CNTLN: variants seen among roughly 807,000 people sequenced by gnomAD.
CNTLN encodes centlein, centrosomal protein.
A neutral mutation model predicts 180.0 loss-of-function variants in CNTLN; 212 were observed. That is an observed-to-expected ratio of 1.18 (90% CI 1.05 to 1.32). CNTLN has a LOEUF of 1.32. Ranked by LOEUF, CNTLN falls within the 40% of genes most tolerant of loss-of-function variation. The pLI is 0.00. For missense variants in CNTLN, 2,095 were observed against 1,610.9 expected (o/e 1.30, Z -5.14); for synonymous variants, 722 against 563.1 (o/e 1.28, Z -3.99).
At position 17,288,521 on chromosome 9, in the gene CNTLN, C is replaced by T. The variant is rs1056625448; in HGVS notation, c.984-9669C>T. ...TGGAGAGTTCTGTAGATGTCTATTA[C>T]GTCCACTTGGTGCAGAGCTGAGTTC... On this transcript the variant is annotated intron_variant, in intron 6 of 25. Coordinates refer to ENST00000380647, the MANE Select transcript of CNTLN (RefSeq NM_017738.4). 7.4e-4 allele frequency among the ~76,000 whole-genome samples: 105 copies of T among 141,938 alleles called. 3 individuals are homozygous for T. The highest frequency in any genetic ancestry group is 4.9e-3 in the East Asian group (24 of 4,938). 93.1% of individuals were successfully genotyped at this position (141,938 alleles called of 152,430 possible).
intron 6 of CNTLN, among the ~76,000 whole-genome samples, chr9:17,283,310 ACTTCT>A (rs1042509102): frequency 4.0e-5 from 6 of 151,854 alleles, no homozygotes; most frequent in African/African-American, 1.5e-4. Flanking sequence ...TCACTCTTTC[ACTTCT>A]CTTGTTAGCT....
chr9:17,506,651 A>G (rs971892028), downstream of CNTLN, among the ~76,000 whole-genome samples: 10 of 152,158 alleles, frequency 6.6e-5, no homozygotes, highest in African/African-American at 2.2e-4. Context: ...CTTTGGATTT[A>G]GAGGGTCGAA....
intron 5 of CNTLN, among the ~76,000 whole-genome samples, chr9:17,248,314 ATTC>A (rs943284774): frequency 3.9e-5 from 6 of 151,928 alleles, no homozygotes; most frequent in Non-Finnish European, 7.4e-5. Flanking sequence ...AGGGTTTGGT[ATTC>A]TTCTTCAGAA....
In CNTLN at chr9:17,462,900, T is replaced by C; in HGVS notation, c.3307-16T>C. On this transcript the variant is annotated splice_polypyrimidine_tract_variant and intron_variant, in intron 19 of 25. Transcript: ENST00000380647. Reference sequence around the variant, plus strand: ...GTTGTAAGGTATATTTAAATTTATTTCTATTTTTAATCTAGAATGCTACTA... The same window carrying C: ...GTTGTAAGGTATATTTAAATTTATTCCTATTTTTAATCTAGAATGCTACTA... The C allele has an allele frequency of 7.0e-7, 1 of 1,428,084 alleles. No individual in the cohort carries two copies. Among genetic ancestry groups the C allele is most frequent in the Middle Eastern group, 2.0e-4 (1 of 4,970 alleles). 88.5% of individuals were successfully genotyped at this position (1,428,084 alleles called of 1,614,324 possible). A position where few individuals can be genotyped will look rare whatever the true frequency, so the allele number is the denominator to read the frequency against.
intron 5 of CNTLN, among the ~76,000 whole-genome samples, chr9:17,251,081 G>T (rs1348582671): frequency 1.3e-5 from 2 of 151,948 alleles, no homozygotes; most frequent in African/African-American, 4.8e-5. Context: ...CAGTGCCTCT[G>T]TACTTCATGG....
At chr9:17,403,517 G>A (rs1017460743) in intron 15 of CNTLN, among the ~76,000 whole-genome samples, 10 of 148,134 alleles carry the variant, frequency 6.8e-5, no homozygotes, top group Admixed American at 1.4e-4. Context: ...GATTACAGTA[G>A]GCCTCTTCCA....
At chr9:17,477,947 A>C (rs761176979) in intron 23 of CNTLN, among the ~76,000 whole-genome samples, 2 of 152,208 alleles carry the variant, frequency 1.3e-5, no homozygotes, top group African/African-American at 2.4e-5. Context: ...GAAAGGAAGA[A>C]TCAATTAATA....
At chr9:17,236,356 G>A (rs1318903611) in intron 4 of CNTLN, 53 bp from the exon 5 acceptor site, 1 of 1,461,206 alleles carries the variant, frequency 6.8e-7, no homozygotes, top group East Asian at 2.4e-5. Context: ...CATTTTTTGG[G>A]TTTTTTGTTT....
intron 11 of CNTLN, 122 bp from the exon 12 acceptor site, chr9:17,342,203 A>T: frequency 2.1e-6 from 2 of 951,450 alleles, no homozygotes; most frequent in Non-Finnish European, 3.1e-6. Flanking sequence ...TCATTCAATA[A>T]ATGGTGAACT....
At chr9:17,160,372 G>T in intron 2 of CNTLN, among the ~76,000 whole-genome samples, 1 of 151,998 alleles carries the variant, frequency 6.6e-6, no homozygotes, top group East Asian at 1.9e-4. Flanking sequence ...GAACTTATTG[G>T]CTTCTTCTTT....
intron 2 of CNTLN, among the ~76,000 whole-genome samples, chr9:17,169,641 A>T (rs1032930865): frequency 7.2e-5 from 11 of 152,102 alleles, no homozygotes; most frequent in Non-Finnish European, 1.5e-4. Context: ...TCTCGGTACC[A>T]TTTATTGAAG....
At chr9:17,216,336 G>A (rs1447881300) in intron 2 of CNTLN, among the ~76,000 whole-genome samples, 1 of 151,994 alleles carries the variant, frequency 6.6e-6, no homozygotes, top group Admixed American at 6.6e-5. Flanking sequence ...TACTTTTTTT[G>A]TAGACTTGTT....
Position 17,481,196 on chromosome 9 carries a change from C to G in CNTLN, c.3856-3099C>G, listed in dbSNP as rs148472260. ...TGGCTATAGAGCTCAGCCCACAGCCCTGCCCATTTGCTAAGCACAGCCTAT... is the reference window on the plus strand; with the variant it reads ...TGGCTATAGAGCTCAGCCCACAGCCGTGCCCATTTGCTAAGCACAGCCTAT... On this transcript the variant is annotated intron_variant, in intron 23 of 25. Transcript: ENST00000380647. Among the ~76,000 whole-genome samples the G allele has an allele frequency of 2.9e-4, 44 of 152,338 alleles. No individual in the cohort carries two copies. The East Asian group carries it at 7.9e-3, about 27-fold the overall frequency.
chr9:17,354,615 C>G (rs1431455951), intron 12 of CNTLN, among the ~76,000 whole-genome samples: 1 of 152,114 alleles, frequency 6.6e-6, no homozygotes, highest in Non-Finnish European at 1.5e-5. Flanking sequence ...TCTAACTAAT[C>G]TGATGGGGAC....
chr9:17,228,693 G>A (rs1451774879), intron 3 of CNTLN, among the ~76,000 whole-genome samples: 3 of 151,968 alleles, frequency 2.0e-5, no homozygotes, highest in South Asian at 2.1e-4. Context: ...TACCCAGTAC[G>A]TAATTATTAA....
At chr9:17,517,262 G>A in the CNTLN span, among the ~76,000 whole-genome samples, 1 of 151,852 alleles carries the variant, frequency 6.6e-6, no homozygotes, top group Non-Finnish European at 1.5e-5. Flanking sequence ...TGTGGTGGCG[G>A]GCGCCTGTAG....
intron 23 of CNTLN, among the ~76,000 whole-genome samples, chr9:17,481,261 A>G (rs1832630794): frequency 6.6e-6 from 1 of 152,184 alleles, no homozygotes; most frequent in African/African-American, 2.4e-5. Context: ...TGACCCTGCC[A>G]GACCCCAGAA....
chr9:17,145,801 G>A (rs910191404), intron 2 of CNTLN, among the ~76,000 whole-genome samples: 3 of 151,924 alleles, frequency 2.0e-5, no homozygotes, highest in Admixed American at 6.6e-5. Flanking sequence ...CTTTTTTGTC[G>A]GATTATTTTC....
intron 2 of CNTLN, among the ~76,000 whole-genome samples, chr9:17,206,912 C>T (rs2131928172): frequency 6.6e-6 from 1 of 152,350 alleles, no homozygotes; most frequent in South Asian, 2.1e-4. Context: ...CATGACTGGG[C>T]CTCATGCCAA....
Sources: allele counts gnomAD v4.1 joint callset (sites outside exome capture counted in the v4.1 genomes callset), GRCh38; gene constraint gnomAD v4.1.1; transcripts MANE v1.5; gene names NCBI Gene and HGNC (gene_info 2026-07-23, HGNC 2026-07-21).